The following SOX6 variants were observed in gnomAD, a reference collection of about 807,000 sequenced individuals.
SOX6 encodes transcription factor SOX-6.
A neutral mutation model predicts 97.8 loss-of-function variants in SOX6; 11 were observed. The observed-to-expected ratio is 0.11, with a 90% CI of 0.07 to 0.19. SOX6 has a LOEUF of 0.19. Among genes scored for constraint, SOX6 ranks in the 10% least tolerant of loss-of-function variants. SOX6 has a pLI of 1.00. For synonymous variants in SOX6, 360 were observed against 371.4 expected (o/e 0.97, Z 0.35); for missense variants, 810 against 1,039.5 (o/e 0.78, Z 3.04).
intron 1 of SOX6, among the ~76,000 whole-genome samples, chr11:16,355,382 G>A (rs1209588442): frequency 6.6e-6 from 1 of 151,916 alleles, no homozygotes; most frequent in Non-Finnish European, 1.5e-5. Flanking sequence ...AAATTGAAAA[G>A]CATTGATAAA....
At chr11:16,201,223 A>G (rs780588419) in intron 4 of SOX6, among the ~76,000 whole-genome samples, 2 of 152,160 alleles carry the variant, frequency 1.3e-5, no homozygotes, top group Non-Finnish European at 2.9e-5. Flanking sequence ...GTTAATTATT[A>G]TGTCAAGAAC....
rs1164057508 is a variant in SOX6 at position 16,613,047 on chromosome 11, T to C, written n.430-787A>G. Reference sequence around the variant, plus strand: ...TTTGCCCTGGGTTGAGTTTAGGGAATGTCTGGAAAGAAAAAAAGGGAGGAA... The same window carrying C: ...TTTGCCCTGGGTTGAGTTTAGGGAACGTCTGGAAAGAAAAAAAGGGAGGAA... On this transcript the variant is annotated intron_variant and non_coding_transcript_variant, in intron 3 of 5. Coordinates refer to the SOX6 transcript ENST00000524520. The surrounding 1 kb of genome is among the most constrained non-coding windows in gnomAD (Gnocchi z 4.6). 2.0e-5 allele frequency: 3 copies of C among 152,394 alleles called. No individual in the cohort carries two copies. Among genetic ancestry groups the C allele is most frequent in the East Asian group, 1.9e-4 (1 of 5,190 alleles). The allele number at this position is 152,394 out of a possible 1,614,324, so 9.4% of individuals were successfully genotyped here. A position where few individuals can be genotyped will look rare whatever the true frequency, so the allele number is the denominator to read the frequency against.
intron 13 of SOX6, among the ~76,000 whole-genome samples, chr11:15,998,097 T>A (rs1347533017): frequency 6.0e-5 from 9 of 149,828 alleles, no homozygotes; most frequent in Admixed American, 4.0e-4. Context: ...TAAAATAAAA[T>A]AAATAAAATA....
intron 2 of SOX6, among the ~76,000 whole-genome samples, chr11:16,729,203 C>A (rs542871568): frequency 3.3e-5 from 5 of 152,230 alleles, no homozygotes; most frequent in African/African-American, 1.2e-4. Context: ...GGCAGGCCAA[C>A]GTTCAAATTC....
chr11:16,082,793 G>A (rs895200388), intron 9 of SOX6, among the ~76,000 whole-genome samples: 1 of 152,100 alleles, frequency 6.6e-6, no homozygotes, highest in African/African-American at 2.4e-5. Context: ...ACCATTTATG[G>A]TGTGAATAAA....
In SOX6 at chr11:15,970,961, T is replaced by C. The variant is rs764393448; in HGVS notation, c.*1848A>G. On this transcript the variant is annotated 3_prime_UTR_variant, in exon 16 of 16. Transcript: ENST00000683767. ...TAGTTTCAGGAAGGCCAAAATGACA[T>C]GGCAGAGCTCCCTGTAGTTAGGAGA... The C allele has an allele frequency of 2.6e-5, 4 of 152,522 alleles. No individual in the cohort carries two copies. The highest frequency in any genetic ancestry group is 4.4e-5 in the Non-Finnish European group (3 of 68,058). 9.4% of individuals were successfully genotyped at this position (152,522 alleles called of 1,614,324 possible).
chr11:16,513,320 A>G (rs1860909011), intron 4 of SOX6, among the ~76,000 whole-genome samples: 1 of 150,890 alleles, frequency 6.6e-6, no homozygotes, highest in African/African-American at 2.5e-5. Flanking sequence ...AAAGAGAGGG[A>G]CACAGGGGAT....
chr11:16,667,699 G>A (rs1289050109), intron 3 of SOX6, among the ~76,000 whole-genome samples: 3 of 152,138 alleles, frequency 2.0e-5, no homozygotes, highest in Non-Finnish European at 2.9e-5. Context: ...TCTTCAATCT[G>A]AAAGAAAAGG....
chr11:16,479,807 T>A (rs537693374), upstream of SOX6, among the ~76,000 whole-genome samples: 1 of 152,198 alleles, frequency 6.6e-6, no homozygotes, highest in Non-Finnish European at 1.5e-5. Context: ...TTACAATAAG[T>A]TTTAAAACTT....
At chr11:16,563,407 T>C (rs535636080) in intron 4 of SOX6, among the ~76,000 whole-genome samples, 1 of 152,144 alleles carries the variant, frequency 6.6e-6, no homozygotes, top group South Asian at 2.1e-4. Context: ...ATCATACCAC[T>C]GCACTCCAGC....
chr11:16,163,286 G>A (rs1227113255), intron 6 of SOX6, among the ~76,000 whole-genome samples: 1 of 152,132 alleles, frequency 6.6e-6, no homozygotes, highest in Non-Finnish European at 1.5e-5. Flanking sequence ...TCTTACTGTG[G>A]TTGGTCTGAA....
intron 5 of SOX6, 99 bp from the exon 6 acceptor site, chr11:16,184,053 C>A: frequency 9.8e-7 from 1 of 1,015,920 alleles, no homozygotes; most frequent in South Asian, 1.3e-5. Context: ...TTTTACCGCA[C>A]CTCTATGTGA....
intron 6 of SOX6, among the ~76,000 whole-genome samples, chr11:16,112,143 G>A (rs1230893928): frequency 3.3e-5 from 5 of 152,044 alleles, no homozygotes; most frequent in African/African-American, 9.7e-5. Context: ...CATTTGCCTC[G>A]TCCCTGCTTC....
intron 10 of SOX6, among the ~76,000 whole-genome samples, chr11:16,050,274 A>G (rs1276650692): frequency 6.6e-6 from 1 of 152,212 alleles, no homozygotes; most frequent in African/African-American, 2.4e-5. Flanking sequence ...TTAAAATTTC[A>G]GCAGCTCTGT....
intron 3 of SOX6, among the ~76,000 whole-genome samples, chr11:16,661,550 T>G (rs12800935): frequency 5.9e-5 from 9 of 152,028 alleles, no homozygotes; most frequent in African/African-American, 2.2e-4. Context: ...CTGGTCTTTT[T>G]TTTCTTTTCT....
chr11:16,665,012 C>T (rs1446570128), intron 3 of SOX6, among the ~76,000 whole-genome samples: 1 of 151,854 alleles, frequency 6.6e-6, no homozygotes, highest in African/African-American at 2.4e-5. Flanking sequence ...CATCTGCTGA[C>T]TAAAGAGCCC....
rs200027691 is a variant in SOX6, at chr11:16,695,841, A to AC, written n.429+18988_429+18989insG. Among the ~76,000 whole-genome samples the AC allele has an allele frequency of 4.0e-3, 605 of 151,572 alleles. 4 individuals are homozygous for AC. Among genetic ancestry groups the AC allele is most frequent in the African/African-American group, 0.013 (518 of 41,340 alleles). Reference sequence around the variant, plus strand: ...CGTCTCTACCAATAAGAAAAAAAAAAACACACACACACACAATTAGCCAGG... The same window carrying AC: ...CGTCTCTACCAATAAGAAAAAAAAAACACACACACACACACAATTAGCCAGG... On this transcript the variant is annotated intron_variant and non_coding_transcript_variant, in intron 3 of 5. Transcript: ENST00000524520.
chr11:16,326,744 A>G (rs1399475321), intron 2 of SOX6, among the ~76,000 whole-genome samples: 29 of 152,182 alleles, frequency 1.9e-4, no homozygotes, highest in Admixed American at 1.9e-3. Flanking sequence ...AACAAAACCA[A>G]TCATTTATTA....
intron 4 of SOX6, among the ~76,000 whole-genome samples, chr11:16,221,239 A>C (rs566790385): frequency 6.6e-6 from 1 of 152,224 alleles, no homozygotes; most frequent in South Asian, 2.1e-4. Flanking sequence ...CTGGTTTCTT[A>C]GCATGAATCA....
Sources: gnomAD v4.1 joint callset for allele counts (sites outside exome capture counted in the v4.1 genomes callset) on GRCh38, gnomAD v4.1.1 for gene constraint, Gnocchi (gnomAD v3.1) non-coding constraint, MANE v1.5 for transcripts, NCBI Gene and HGNC (gene_info 2026-07-23, HGNC 2026-07-21) for gene names.